Variants in SLC19A3 observed in about 807,000 individuals in gnomAD.
The protein encoded by SLC19A3 is thiamine transporter 2.
Under a neutral mutation model 40.2 loss-of-function variants are expected in SLC19A3, and 31 were observed. That is an observed-to-expected ratio of 0.77 (90% CI 0.58 to 1.04). SLC19A3 has a LOEUF of 1.04. Among genes scored for constraint, SLC19A3 ranks in the 50% least tolerant of loss-of-function variants. The pLI is 0.00. For missense variants in SLC19A3, 592 were observed against 596.7 expected (o/e 0.99, Z 0.08); for synonymous variants, 212 against 227.5 (o/e 0.93, Z 0.61).
Position 227,707,315 on chromosome 2 carries a change from TGGCTTATGCCTGTA to T in SLC19A3, c.-2-5009_-2-4996del, listed in dbSNP as rs1695981896. Among the ~76,000 whole-genome samples, 3 of 152,232 alleles carry T rather than the reference TGGCTTATGCCTGTA, an allele frequency of 2.0e-5. No homozygotes were observed. In the South Asian group the frequency reaches 6.2e-4, roughly 31 times the overall value. On this transcript the variant is annotated intron_variant, in intron 1 of 5. Coordinates refer to ENST00000644224, the MANE Select transcript of SLC19A3 (RefSeq NM_025243.4). ...ATAATTATTTTTCAGCCAGGCGCGG[TGGCTTATGCCTGTA>T]ATACTACCACTGTGGGAGGCCAAGT...
chr2:227,686,057 C>T lies in SLC19A3; in HGVS notation c.*1340G>A, dbSNP rs1178870202. ...ACTAAAAATACAAAAATTAGCCAGG[C>T]GTGGTGGTGTGCACCCATAGTCCCA... On this transcript the variant is annotated 3_prime_UTR_variant, in exon 6 of 6. Coordinates refer to ENST00000644224, the MANE Select transcript of SLC19A3 (RefSeq NM_025243.4). The T allele has an allele frequency of 7.9e-6, 3 of 378,048 alleles. No individual in the cohort carries two copies. The highest frequency in any genetic ancestry group is 6.1e-5 in the Admixed American group (2 of 32,646). 23.4% of individuals were successfully genotyped at this position (378,048 alleles called of 1,614,324 possible). A position where few individuals can be genotyped will look rare whatever the true frequency, so the allele number is the denominator to read the frequency against.
chr2:227,710,746 G>A (rs6724671), intron 1 of SLC19A3, among the ~76,000 whole-genome samples: 138,367 of 152,184 alleles, frequency 0.91, 64,362 homozygotes, highest in East Asian at 1. Flanking sequence ...AAAGACACCT[G>A]TTACTCAGGA....
intron 4 of SLC19A3, among the ~76,000 whole-genome samples, chr2:227,689,933 A>T (rs917885882): frequency 6.6e-6 from 1 of 152,236 alleles, no homozygotes; most frequent in Admixed American, 6.5e-5. Context: ...TTAAGTTGTT[A>T]TCAGCTTAAA....
intron 3 of SLC19A3, among the ~76,000 whole-genome samples, chr2:227,696,880 A>G (rs1464018914): frequency 6.6e-6 from 1 of 152,130 alleles, no homozygotes; most frequent in African/African-American, 2.4e-5. Context: ...AGCCTGGCCA[A>G]CATGGTGAAA....
At chr2:227,707,087 C>T (rs1208786948) in intron 1 of SLC19A3, among the ~76,000 whole-genome samples, 1 of 152,182 alleles carries the variant, frequency 6.6e-6, no homozygotes, top group African/African-American at 2.4e-5. Flanking sequence ...GCACGGCAGA[C>T]CAGAGTGCAC....
chr2:227,687,320 CAT>C lies in SLC19A3; in HGVS notation c.*75_*76del. 1.4e-6 allele frequency: 2 copies of C among 1,425,590 alleles called. No individual in the cohort carries two copies. The highest frequency in any genetic ancestry group is 1.9e-6 in the Non-Finnish European group (2 of 1,044,562). The allele number at this position is 1,425,590 out of a possible 1,614,324, so 88.3% of individuals were successfully genotyped here. A position where few individuals can be genotyped will look rare whatever the true frequency, so the allele number is the denominator to read the frequency against. On this transcript the variant is annotated 3_prime_UTR_variant, in exon 6 of 6. Transcript: ENST00000644224. ...CAAAGCATGTCAAGTTATGGCAAAA[CAT>C]ATGCCACCCATCTCAAAATCTTTCC...
chr2:227,714,805 CTTTTTTTTTTTT>C (rs869073195), intron 1 of SLC19A3, among the ~76,000 whole-genome samples: 1 of 79,868 alleles, frequency 1.3e-5, no homozygotes, highest in Non-Finnish European at 2.2e-5. Flanking sequence ...CCTGACTATT[CTTTTTTTTTTTT>C]TTTTTTTTTT....
At chr2:227,690,363 C>T (rs944222055) in intron 4 of SLC19A3, among the ~76,000 whole-genome samples, 2 of 151,994 alleles carry the variant, frequency 1.3e-5, no homozygotes, top group Admixed American at 1.3e-4. Context: ...CTGTAAGAGA[C>T]ACAGGTCATT....
Position 227,687,619 on chromosome 2 carries a change from A to G in SLC19A3, c.1315-46T>C, listed in dbSNP as rs774534134. The G allele has an allele frequency of 9.4e-6, 15 of 1,588,980 alleles. No homozygotes were observed. The African/African-American group carries it at 1.9e-4, about 20-fold the overall frequency. ...AGCCACATATAAAATATGACCATCTATGTCAATGATAATACATCCTAATAC... is the reference window on the plus strand; with the variant it reads ...AGCCACATATAAAATATGACCATCTGTGTCAATGATAATACATCCTAATAC... On this transcript the variant is annotated intron_variant, in intron 5 of 5. Transcript: ENST00000644224.
At chr2:227,701,350 G>A (rs1353392328) in intron 2 of SLC19A3, 10 of 203,470 alleles carry the variant, frequency 4.9e-5, no homozygotes, top group African/African-American at 1.2e-4. Flanking sequence ...GGCCGGTGGC[G>A]GTGGCTCACG....
chr2:227,717,446 C>T (rs941580454), intron 1 of SLC19A3, among the ~76,000 whole-genome samples: 1 of 152,170 alleles, frequency 6.6e-6, no homozygotes, highest in Non-Finnish European at 1.5e-5. Context: ...ACTTAGGTAT[C>T]CTTTCCAGCA....
At chr2:227,694,251 C>T (rs1215795166) in intron 4 of SLC19A3, among the ~76,000 whole-genome samples, 1 of 152,104 alleles carries the variant, frequency 6.6e-6, no homozygotes, top group African/African-American at 2.4e-5. Flanking sequence ...AGGTGATCCA[C>T]CTGCTTTGGC....
At chr2:227,715,412 G>A (rs57792942) in intron 1 of SLC19A3, among the ~76,000 whole-genome samples, 13,504 of 152,124 alleles carry the variant, frequency 0.089, 786 homozygotes, top group Middle Eastern at 0.14. Context: ...TTTTAGTAAA[G>A]ATGGGGCTTT....
chr2:227,704,285 G>A (rs1037077440), intron 1 of SLC19A3, among the ~76,000 whole-genome samples: 4 of 152,260 alleles, frequency 2.6e-5, no homozygotes, highest in South Asian at 2.1e-4. Context: ...CCTGGTTTTC[G>A]TGAGTGCATC....
chr2:227,715,806 T>C (rs13020112), intron 1 of SLC19A3, among the ~76,000 whole-genome samples: 52,487 of 151,352 alleles, frequency 0.35, 10,114 homozygotes, highest in Middle Eastern at 0.5. Context: ...AAAAATTAGC[T>C]AGGCATGGTG....
At chr2:227,702,085 C>T in intron 2 of SLC19A3, 84 bp downstream of exon 2, 1 of 1,080,552 alleles carries the variant, frequency 9.3e-7, no homozygotes, top group Non-Finnish European at 1.4e-6. Context: ...CATCTTATAT[C>T]AAGTTGAGGG....
intron 1 of SLC19A3, among the ~76,000 whole-genome samples, chr2:227,707,782 C>T (rs181828421): frequency 6.6e-6 from 1 of 152,084 alleles, no homozygotes; most frequent in Admixed American, 6.5e-5. Flanking sequence ...GGCTGGAGTC[C>T]AGTGGTGCAA....
chr2:227,688,347 C>T, intron 4 of SLC19A3, 40 bp from the exon 5 acceptor site: 1 of 1,592,588 alleles, frequency 6.3e-7, no homozygotes, highest in Non-Finnish European at 8.6e-7. Context: ...CTATAATATA[C>T]ATGGATGGAA....
chr2:227,688,999 GA>G (rs2106318949), intron 4 of SLC19A3, among the ~76,000 whole-genome samples: 1 of 152,216 alleles, frequency 6.6e-6, no homozygotes, highest in South Asian at 2.1e-4. Context: ...GAATGCATCA[GA>G]ATCTCATACC....
Sources: gnomAD v4.1 joint callset for allele counts (sites outside exome capture counted in the v4.1 genomes callset) on GRCh38, gnomAD v4.1.1 for gene constraint, MANE v1.5 for transcripts, NCBI Gene and HGNC (gene_info 2026-07-23, HGNC 2026-07-21) for gene names.